ZDHHC15: variants seen among roughly 807,000 people sequenced by gnomAD.
The protein encoded by ZDHHC15 is zDHHC palmitoyltransferase 15.
In ZDHHC15, 19 loss-of-function variants were observed where a neutral mutation model predicts 31.7. That is an observed-to-expected ratio of 0.60 (90% CI 0.42 to 0.88). The LOEUF is 0.88. ZDHHC15 is among the 40% of genes least tolerant of loss of function. The probability of loss-of-function intolerance (pLI) is 0.00; values close to 1 mark genes in which losing one functional copy is unlikely to be tolerated. For synonymous variants in ZDHHC15, 103 were observed against 90.0 expected (o/e 1.14, Z -0.82); for missense variants, 209 against 251.2 (o/e 0.83, Z 1.14).
At chrX:75,439,347 C>G (rs188297419) in intron 4 of ZDHHC15, among the ~76,000 whole-genome samples, 1 of 111,533 alleles carries the variant, frequency 9.0e-6, no homozygotes, top group Non-Finnish European at 1.9e-5. Context: ...CTTCTTGGAG[C>G]CTTTGTTCAT....
At chrX:75,444,208 G>A (rs1206159953) in intron 4 of ZDHHC15, among the ~76,000 whole-genome samples, 5 of 110,417 alleles carry the variant, frequency 4.5e-5, no homozygotes, top group Non-Finnish European at 9.4e-5. Flanking sequence ...GCAAAGACTT[G>A]GAACTAACCC....
At chrX:75,428,529 T>C (rs2083740455) in intron 7 of ZDHHC15, among the ~76,000 whole-genome samples, 1 of 111,028 alleles carries the variant, frequency 9.0e-6, no homozygotes, top group African/African-American at 3.3e-5. Flanking sequence ...ATCCCAGTTC[T>C]CCTAATTGCT....
At chrX:75,490,201 C>G (rs1373605308) in intron 2 of ZDHHC15, among the ~76,000 whole-genome samples, 1 of 111,613 alleles carries the variant, frequency 9.0e-6, no homozygotes, top group African/African-American at 3.3e-5. Context: ...CCCAACCTAG[C>G]AAGGCAGGCC....
At chrX:75,401,075 G>A (rs2083351006) in intron 10 of ZDHHC15, among the ~76,000 whole-genome samples, 1 of 110,943 alleles carries the variant, frequency 9.0e-6, no homozygotes, top group African/African-American at 3.3e-5. Flanking sequence ...ATGGAAAGTA[G>A]CGCATCACTG....
intron 11 of ZDHHC15, among the ~76,000 whole-genome samples, chrX:75,377,838 T>C (rs1005547456): frequency 1.8e-5 from 2 of 111,576 alleles, no homozygotes; most frequent in African/African-American, 6.5e-5. Flanking sequence ...TAAAGCCAAC[T>C]TTCTAATTTT....
intron 4 of ZDHHC15, among the ~76,000 whole-genome samples, chrX:75,440,067 G>A (rs1335385154): frequency 9.0e-6 from 1 of 111,473 alleles, no homozygotes; most frequent in Non-Finnish European, 1.9e-5. Flanking sequence ...CTCCAGTGGA[G>A]GTAGCAGGGG....
intron 1 of ZDHHC15, among the ~76,000 whole-genome samples, chrX:75,509,342 C>CT (rs2085222118): frequency 1.8e-5 from 2 of 111,658 alleles, no homozygotes; most frequent in Admixed American, 9.5e-5. Context: ...AATTTATATT[C>CT]TTTTTTTCAC....
At chrX:75,389,298 C>A (rs2083215376) in intron 10 of ZDHHC15, among the ~76,000 whole-genome samples, 1 of 111,040 alleles carries the variant, frequency 9.0e-6, no homozygotes, top group African/African-American at 3.3e-5. Flanking sequence ...GACTGCAATT[C>A]CTGAGCAAAT....
At chrX:75,418,115 G>A (rs1398691105) in intron 9 of ZDHHC15, among the ~76,000 whole-genome samples, 1 of 111,906 alleles carries the variant, frequency 8.9e-6, no homozygotes, top group Non-Finnish European at 1.9e-5. Flanking sequence ...ATTTGTGTAT[G>A]TGAGTATGTG....
chrX:75,452,720 G>T lies in ZDHHC15; in HGVS notation c.259-1798C>A, dbSNP rs1452284696. On this transcript the variant is annotated intron_variant, in intron 3 of 11. Coordinates refer to ENST00000373367, the MANE Select transcript of ZDHHC15 (RefSeq NM_144969.3). ...CACAGTTCAATCAAATTAGAACTCA[G>T]GATTAAGAAACTCAGTCAAAACCGC... 3.6e-5 allele frequency among the ~76,000 whole-genome samples: 4 copies of T among 111,982 alleles called. No individual in the cohort carries two copies. In the Admixed American group the frequency reaches 3.8e-4, roughly 11 times the overall value.
chrX:75,485,166 T>A (rs564598257), intron 2 of ZDHHC15, among the ~76,000 whole-genome samples: 3 of 111,476 alleles, frequency 2.7e-5, no homozygotes, highest in Non-Finnish European at 3.8e-5. Flanking sequence ...CTGTCAAAAC[T>A]TATCAACCTG....
chrX:75,438,821 C>T, intron 4 of ZDHHC15, among the ~76,000 whole-genome samples: 1 of 112,029 alleles, frequency 8.9e-6, no homozygotes, highest in Admixed American at 9.5e-5. Flanking sequence ...TATTGAACTC[C>T]TTTTAACATT....
chrX:75,447,486 C>G (rs1320118423), intron 4 of ZDHHC15, among the ~76,000 whole-genome samples: 1 of 112,166 alleles, frequency 8.9e-6, no homozygotes, highest in Admixed American at 9.5e-5. Flanking sequence ...CGTTCCCCAT[C>G]ATCCTGAAGC....
chrX:75,517,210 T>A (rs190015904), intron 1 of ZDHHC15, among the ~76,000 whole-genome samples: 1 of 111,645 alleles, frequency 9.0e-6, no homozygotes, highest in Non-Finnish European at 1.9e-5. Flanking sequence ...CTAGAAATAC[T>A]AATTGACCCA....
chrX:75,396,616 T>G (rs1419638539), intron 10 of ZDHHC15, among the ~76,000 whole-genome samples: 2 of 111,778 alleles, frequency 1.8e-5, no homozygotes, highest in African/African-American at 6.5e-5. Flanking sequence ...AGCTAACATA[T>G]GATCCAGCAA....
chrX:75,402,145 G>T (rs2083365308), intron 10 of ZDHHC15, among the ~76,000 whole-genome samples: 1 of 112,131 alleles, frequency 8.9e-6, no homozygotes, highest in Admixed American at 9.4e-5. Flanking sequence ...TGACTTTTAG[G>T]TAAATAATGA....
chrX:75,502,527 G>T (rs1328052018), intron 2 of ZDHHC15, among the ~76,000 whole-genome samples: 1 of 111,861 alleles, frequency 8.9e-6, no homozygotes, highest in African/African-American at 3.2e-5. Context: ...CATTTAAAAT[G>T]CAAATTAATT....
At chrX:75,435,490 CT>C (rs2083839110) in intron 4 of ZDHHC15, among the ~76,000 whole-genome samples, 1 of 111,932 alleles carries the variant, frequency 8.9e-6, no homozygotes, top group East Asian at 2.8e-4. Context: ...TCATAGATGG[CT>C]TTTATTACCT....
intron 1 of ZDHHC15, among the ~76,000 whole-genome samples, chrX:75,508,686 T>C (rs1333561124): frequency 2.7e-5 from 3 of 110,789 alleles, no homozygotes; most frequent in African/African-American, 6.6e-5. Context: ...CTGGGTCAAA[T>C]GGTATTTCTA....
Sources: allele counts gnomAD v4.1 joint callset (sites outside exome capture counted in the v4.1 genomes callset), GRCh38; gene constraint gnomAD v4.1.1; transcripts MANE v1.5; gene names NCBI Gene and HGNC (gene_info 2026-07-23, HGNC 2026-07-21).